Variants in PIP4K2A observed in about 807,000 individuals in gnomAD.
PIP4K2A encodes the protein phosphatidylinositol 5-phosphate 4-kinase type-2 alpha.
In PIP4K2A, 14 loss-of-function variants were observed where a neutral mutation model predicts 42.9. The observed-to-expected ratio is 0.33, with a 90% CI of 0.22 to 0.51. The LOEUF (loss-of-function observed/expected upper bound fraction) is 0.51, where lower values mean the gene tolerates loss of function less well. Among genes scored for constraint, PIP4K2A ranks in the 20% least tolerant of loss-of-function variants. The pLI is 0.97. For synonymous variants in PIP4K2A, 192 were observed against 192.2 expected (o/e 1.00, Z 0.01); for missense variants, 434 against 519.8 (o/e 0.83, Z 1.61).
intron 1 of PIP4K2A, among the ~76,000 whole-genome samples, chr10:22,674,188 C>T (rs1241853871): frequency 6.6e-6 from 1 of 152,134 alleles, no homozygotes; most frequent in Non-Finnish European, 1.5e-5. Flanking sequence ...CTTGGACTTC[C>T]AGCAACCAGC....
chr10:22,568,955 T>C, intron 5 of PIP4K2A: 1 of 1,342,010 alleles, frequency 7.5e-7, no homozygotes, highest in South Asian at 1.2e-5. Context: ...TACCACCTGA[T>C]GAAAAGACAT....
intron 1 of PIP4K2A, among the ~76,000 whole-genome samples, chr10:22,685,581 G>A (rs1359718014): frequency 1.3e-5 from 2 of 152,090 alleles, no homozygotes; most frequent in African/African-American, 4.8e-5. Context: ...GGGCATGGTG[G>A]CATGTGCCTT....
At chr10:22,664,248 CACAT>C (rs1171380172) in intron 1 of PIP4K2A, among the ~76,000 whole-genome samples, 10 of 133,380 alleles carry the variant, frequency 7.5e-5, no homozygotes, top group African/African-American at 2.3e-4. Context: ...CACACACACA[CACAT>C]ATATATATAC....
At chr10:22,697,551 C>T (rs1377693874) in intron 1 of PIP4K2A, among the ~76,000 whole-genome samples, 1 of 152,082 alleles carries the variant, frequency 6.6e-6, no homozygotes, top group Non-Finnish European at 1.5e-5. Context: ...AGACCCCCAT[C>T]TCTACAAAAA....
Position 22,609,639 on chromosome 10 carries a change from C to G in PIP4K2A, c.223G>C (p.Asp75His). The change falls in exon 2 of 10, where the codon GAC (aspartate) becomes CAC (histidine). Residue 75 changes from aspartate to histidine, a missense_variant. Transcript: ENST00000376573. ...DFKAYSKIKV[D>H]NHLFNKENMP... is the part of the protein sequence containing the mutation. ...ACTTACTTGTTAAAAAGGTGATTGTCCACCTTTATTTTTGAATAGGCTTTG... is the reference window on the plus strand; with the variant it reads ...ACTTACTTGTTAAAAAGGTGATTGTGCACCTTTATTTTTGAATAGGCTTTG... 6.3e-7 allele frequency: 1 copy of G among 1,587,406 alleles called. No individual in the cohort carries two copies. Among genetic ancestry groups the G allele is most frequent in the Non-Finnish European group, 8.7e-7 (1 of 1,156,066 alleles).
intron 1 of PIP4K2A, among the ~76,000 whole-genome samples, chr10:22,707,092 G>A (rs1367790757): frequency 6.6e-6 from 1 of 152,096 alleles, no homozygotes; most frequent in East Asian, 1.9e-4. Flanking sequence ...AGACCAGCCT[G>A]GCCAATACAG....
intron 1 of PIP4K2A, among the ~76,000 whole-genome samples, chr10:22,615,643 T>C (rs1838161528): frequency 6.6e-6 from 1 of 152,232 alleles, no homozygotes; most frequent in Admixed American, 6.5e-5. Flanking sequence ...TTTCTTAGGT[T>C]AGCTGAACAA....
At chr10:22,573,850 T>C (rs995065302) in intron 4 of PIP4K2A, among the ~76,000 whole-genome samples, 4 of 152,332 alleles carry the variant, frequency 2.6e-5, no homozygotes, top group African/African-American at 9.6e-5. Flanking sequence ...CAGAGCAACC[T>C]GGCTGCTAAA....
At chr10:22,541,774 G>T in intron 8 of PIP4K2A, 30 bp downstream of exon 8, 2 of 1,505,574 alleles carry the variant, frequency 1.3e-6, no homozygotes, top group Non-Finnish European at 1.8e-6. Flanking sequence ...CACTTCACAT[G>T]CAAAAAGGGT....
At chr10:22,687,941 C>A (rs1839794684) in intron 1 of PIP4K2A, among the ~76,000 whole-genome samples, 1 of 152,142 alleles carries the variant, frequency 6.6e-6, no homozygotes, top group Non-Finnish European at 1.5e-5. Flanking sequence ...ATTTGCTTCA[C>A]TATAGTCACT....
intron 1 of PIP4K2A, among the ~76,000 whole-genome samples, chr10:22,687,235 A>C (rs1161571826): frequency 6.6e-6 from 1 of 152,066 alleles, no homozygotes; most frequent in Non-Finnish European, 1.5e-5. Flanking sequence ...ACACGAAGTG[A>C]CCTGGAGGAC....
At chr10:22,704,184 G>A (rs1833766807) in intron 1 of PIP4K2A, among the ~76,000 whole-genome samples, 1 of 152,192 alleles carries the variant, frequency 6.6e-6, no homozygotes. Flanking sequence ...AAATGTAATT[G>A]TAGAAGATGA....
At chr10:22,579,604 C>A (rs2130804511) in intron 4 of PIP4K2A, among the ~76,000 whole-genome samples, 1 of 152,260 alleles carries the variant, frequency 6.6e-6, no homozygotes, top group African/African-American at 2.4e-5. Flanking sequence ...GAACTTGCTG[C>A]CTTTAAGATG....
rs1054281712 is a variant in PIP4K2A at position 22,537,018 on chromosome 10, T to C, written c.*183A>G. ...AAGTCAGAAATAGCTAGAACGATGCTGGGAAAATCAGGTAGCTGTAAAGCG... is the reference window on the plus strand; with the variant it reads ...AAGTCAGAAATAGCTAGAACGATGCCGGGAAAATCAGGTAGCTGTAAAGCG... On this transcript the variant is annotated 3_prime_UTR_variant, in exon 10 of 10. Coordinates refer to ENST00000376573, the MANE Select transcript of PIP4K2A (RefSeq NM_005028.5). 1 of 473,332 alleles carries C rather than the reference T, an allele frequency of 2.1e-6. No homozygotes were observed. The highest frequency in any genetic ancestry group is 3.9e-6 in the Non-Finnish European group (1 of 256,888). 29.3% of individuals were successfully genotyped at this position (473,332 alleles called of 1,614,324 possible).
intron 1 of PIP4K2A, among the ~76,000 whole-genome samples, chr10:22,670,563 T>C (rs1018835454): frequency 5.9e-5 from 9 of 152,186 alleles, no homozygotes; most frequent in African/African-American, 2.2e-4. Context: ...TTCCAGGGGC[T>C]AATAGTGCAA....
At chr10:22,704,713 G>A (rs1564472968) in intron 1 of PIP4K2A, among the ~76,000 whole-genome samples, 1 of 151,498 alleles carries the variant, frequency 6.6e-6, no homozygotes, top group Non-Finnish European at 1.5e-5. Context: ...AGAGACTAAG[G>A]GTGAAGGAGA....
chr10:22,687,907 T>C (rs929996566), intron 1 of PIP4K2A, among the ~76,000 whole-genome samples: 1 of 152,228 alleles, frequency 6.6e-6, no homozygotes, highest in South Asian at 2.1e-4. Context: ...AGGGCCTACT[T>C]TGTGCGAGAT....
chr10:22,669,955 G>A (rs1285881504), intron 1 of PIP4K2A, among the ~76,000 whole-genome samples: 3 of 152,096 alleles, frequency 2.0e-5, no homozygotes, highest in Non-Finnish European at 2.9e-5. Context: ...GGACATTATG[G>A]GACCTCAGCA....
intron 3 of PIP4K2A, among the ~76,000 whole-genome samples, chr10:22,593,138 C>A (rs778536262): frequency 1.7e-4 from 26 of 152,322 alleles, no homozygotes; most frequent in Non-Finnish European, 7.3e-5. Flanking sequence ...CAGGCCCTAC[C>A]TATGCCTGAA....
Sources: gnomAD v4.1 joint callset for allele counts (sites outside exome capture counted in the v4.1 genomes callset) on GRCh38, gnomAD v4.1.1 for gene constraint, MANE v1.5 for transcripts, NCBI Gene and HGNC (gene_info 2026-07-23, HGNC 2026-07-21) for gene names.